Variants in SEPTIN9 observed in about 807,000 individuals in gnomAD.
SEPTIN9 encodes septin-9.
A neutral mutation model predicts 56.6 loss-of-function variants in SEPTIN9; 13 were observed. That is an observed-to-expected ratio of 0.23 (90% CI 0.15 to 0.37). The LOEUF (loss-of-function observed/expected upper bound fraction) is 0.37. Ranked by LOEUF, SEPTIN9 falls within the 10% of genes least tolerant of loss-of-function variation. SEPTIN9 has a pLI of 1.00. For synonymous variants in SEPTIN9, 332 were observed against 334.1 expected, an observed-to-expected ratio of 0.99 and a Z score of 0.07; for missense variants, 650 against 823.1, an observed-to-expected ratio of 0.79 and a Z score of 2.57.
In SEPTIN9 at chr17:77,330,526, G is replaced by A. The variant is rs2033307775; in HGVS notation, c.76+23329G>A. ...GCAGCCTTTCCTGGATTCTTCCTCC[G>A]TTCTCCCCTGGGCAGTGTTTCTGTT... On this transcript the variant is annotated intron_variant, in intron 2 of 11. Coordinates refer to ENST00000427177, the MANE Select transcript of SEPTIN9 (RefSeq NM_001113491.2). This position sits in a 1 kb window ranked among gnomAD's most constrained non-coding sequence, Gnocchi z 4.4. Among the ~76,000 whole-genome samples the A allele has an allele frequency of 6.6e-6, 1 of 152,202 alleles. No homozygotes were observed.
intron 3 of SEPTIN9, among the ~76,000 whole-genome samples, chr17:77,464,307 A>G (rs1309639463): frequency 6.6e-6 from 1 of 152,072 alleles, no homozygotes; most frequent in Non-Finnish European, 1.5e-5. Context: ...CGAACCCCTG[A>G]CCTCAAATAA....
At chr17:77,351,767 A>G (rs2143807533) in intron 2 of SEPTIN9, among the ~76,000 whole-genome samples, 1 of 152,362 alleles carries the variant, frequency 6.6e-6, no homozygotes, top group South Asian at 2.1e-4. Context: ...AATAAAGCAC[A>G]GGTCCCCCAG....
In SEPTIN9 at chr17:77,456,211, C is replaced by T. The variant is rs553526072; in HGVS notation, c.722-25933C>T. On this transcript the variant is annotated intron_variant, in intron 3 of 11. Coordinates refer to ENST00000427177, the MANE Select transcript of SEPTIN9 (RefSeq NM_001113491.2). This position sits in a 1 kb window ranked among gnomAD's most constrained non-coding sequence, Gnocchi z 6.0. ...GCTGGGGGGCCGGGTGGGTGGGAGC[C>T]GAGGCCAGGGAGAACAGCGCAGACC... Among the ~76,000 whole-genome samples the T allele has an allele frequency of 2.6e-5, 4 of 152,056 alleles. No individual in the cohort carries two copies. The highest frequency in any genetic ancestry group is 4.2e-4 in the South Asian group (2 of 4,810).
rs11652664 is a variant in SEPTIN9 at position 77,463,139 on chromosome 17, C to T, written c.722-19005C>T. Among the ~76,000 whole-genome samples, 629 of 152,230 alleles carry T rather than the reference C, an allele frequency of 4.1e-3. 1 individual carries two copies. Among genetic ancestry groups the T allele is most frequent in the Non-Finnish European group, 6.2e-3 (424 of 68,006 alleles). Reference sequence around the variant, plus strand: ...CTGGGTGTAGGGAGGGCACCTCTTACGTGAGGGGCTTATGATCTACTTCAG... The same window carrying T: ...CTGGGTGTAGGGAGGGCACCTCTTATGTGAGGGGCTTATGATCTACTTCAG... On this transcript the variant is annotated intron_variant, in intron 3 of 11. Transcript: ENST00000427177.
chr17:77,289,277 A>G (rs752500541), intron 1 of SEPTIN9, among the ~76,000 whole-genome samples: 20 of 149,246 alleles, frequency 1.3e-4, no homozygotes, highest in Non-Finnish European at 1.5e-4. Context: ...TTGTATTTTT[A>G]GTAGAGATGG....
At position 77,435,331 on chromosome 17, in the gene SEPTIN9, G is replaced by A. The variant is rs1386939839; in HGVS notation, c.721+32628G>A. Among the ~76,000 whole-genome samples the A allele has an allele frequency of 1.3e-5, 2 of 152,166 alleles. No individual in the cohort carries two copies. The highest frequency in any genetic ancestry group is 4.8e-5 in the African/African-American group (2 of 41,436). Reference sequence around the variant, plus strand: ...TGACTTGGCCAGCTTCGCACGGCAGGTTAGTGGCAGAGCTGAGCAGTGTCT... The same window carrying A: ...TGACTTGGCCAGCTTCGCACGGCAGATTAGTGGCAGAGCTGAGCAGTGTCT... On this transcript the variant is annotated intron_variant, in intron 3 of 11. Transcript: ENST00000427177. The surrounding 1 kb of genome is among the most constrained non-coding windows in gnomAD (Gnocchi z 4.5).
At chr17:77,373,111 C>T (rs2034775957) in intron 2 of SEPTIN9, 8 of 845,908 alleles carry the variant, frequency 9.5e-6, no homozygotes, top group African/African-American at 7.3e-5. Context: ...GTCCCCTGGG[C>T]GCGGGCCAGG....
chr17:77,422,364 G>T (rs969594617), intron 3 of SEPTIN9, among the ~76,000 whole-genome samples: 52 of 152,370 alleles, frequency 3.4e-4, no homozygotes, highest in Admixed American at 3.4e-3. Flanking sequence ...GGGCGGCCAG[G>T]ACAGTAGCAG....
chr17:77,468,116 T>C (rs1258432797), intron 3 of SEPTIN9, among the ~76,000 whole-genome samples: 1 of 151,858 alleles, frequency 6.6e-6, no homozygotes, highest in African/African-American at 2.4e-5. Flanking sequence ...ATATAAAAAA[T>C]TAGCCGGGCG....
At chr17:77,392,756 C>G (rs866923834) in intron 2 of SEPTIN9, among the ~76,000 whole-genome samples, 48 of 152,208 alleles carry the variant, frequency 3.2e-4, no homozygotes, top group Middle Eastern at 3.4e-3. Flanking sequence ...GAGGGAGCGC[C>G]TCCTCCGCCT....
intron 1 of SEPTIN9, among the ~76,000 whole-genome samples, chr17:77,305,963 A>T (rs2032246194): frequency 1.3e-5 from 1 of 77,670 alleles, no homozygotes; most frequent in Admixed American, 1.7e-4. Context: ...GGGTTGATGG[A>T]TGGGTGGATT....
At position 77,405,019 on chromosome 17, in the gene SEPTIN9, T is replaced by C; in HGVS notation, c.721+2316T>C. 6.8e-7 allele frequency: 1 copy of C among 1,461,268 alleles called. No individual in the cohort carries two copies. The highest frequency in any genetic ancestry group is 9.2e-7 in the Non-Finnish European group (1 of 1,084,830). The allele number at this position is 1,461,268 out of a possible 1,614,324, so 90.5% of individuals were successfully genotyped here. ...GATACACCCCCATCCTGGGTTGATGTGTTCACACTCAGCTGAGTCAAACAG... is the reference window on the plus strand; with the variant it reads ...GATACACCCCCATCCTGGGTTGATGCGTTCACACTCAGCTGAGTCAAACAG... On this transcript the variant is annotated intron_variant, in intron 3 of 11. Transcript: ENST00000427177. The surrounding 1 kb of genome is among the most constrained non-coding windows in gnomAD (Gnocchi z 5.8).
At chr17:77,288,786 C>T (rs1299586192) in intron 1 of SEPTIN9, among the ~76,000 whole-genome samples, 1 of 152,186 alleles carries the variant, frequency 6.6e-6, no homozygotes, top group African/African-American at 2.4e-5. Flanking sequence ...GCCACAGGGT[C>T]TACAGAGGTG....
chr17:77,312,860 A>G (rs1486671049), intron 2 of SEPTIN9, among the ~76,000 whole-genome samples: 1 of 152,214 alleles, frequency 6.6e-6, no homozygotes, highest in Non-Finnish European at 1.5e-5. Context: ...TTAAGTTTAA[A>G]TTATAACATA....
intron 3 of SEPTIN9, among the ~76,000 whole-genome samples, chr17:77,464,137 G>A (rs996966906): frequency 5.3e-5 from 8 of 152,008 alleles, no homozygotes; most frequent in Non-Finnish European, 1.0e-4. Flanking sequence ...GCAGTGGCAC[G>A]ATCTCGGCTT....
intron 2 of SEPTIN9, among the ~76,000 whole-genome samples, chr17:77,395,698 G>A (rs1199660589): frequency 6.6e-6 from 1 of 152,184 alleles, no homozygotes; most frequent in Non-Finnish European, 1.5e-5. Context: ...GTGTGTGTGT[G>A]CGTGCAAACT....
intron 1 of SEPTIN9, among the ~76,000 whole-genome samples, chr17:77,304,809 G>T (rs1223641393): frequency 6.6e-6 from 1 of 152,176 alleles, no homozygotes; most frequent in Non-Finnish European, 1.5e-5. Context: ...TGGAACAGGG[G>T]ATAGTGACCC....
chr17:77,330,716 A>G lies in SEPTIN9; in HGVS notation c.76+23519A>G, dbSNP rs2033314631. Among the ~76,000 whole-genome samples the G allele has an allele frequency of 6.6e-6, 1 of 152,196 alleles. No individual in the cohort carries two copies. Among genetic ancestry groups the G allele is most frequent in the African/African-American group, 2.4e-5 (1 of 41,460 alleles). The stretch of plus-strand genomic sequence containing the variant: ...TCAGAGAGCACATGGCTTGACCATC[A>G]CGGGGACTGGGGGAGAGGCACAGGC... On this transcript the variant is annotated intron_variant, in intron 2 of 11. Coordinates refer to ENST00000427177, the MANE Select transcript of SEPTIN9 (RefSeq NM_001113491.2). This position sits in a 1 kb window ranked among gnomAD's most constrained non-coding sequence, Gnocchi z 4.4.
chr17:77,457,970 C>T (rs959190643), intron 3 of SEPTIN9, among the ~76,000 whole-genome samples: 10 of 152,220 alleles, frequency 6.6e-5, no homozygotes, highest in African/African-American at 9.6e-5. Context: ...TAAACCCACG[C>T]GCCACCCTAG....
Sources: gnomAD v4.1 joint callset for allele counts (sites outside exome capture counted in the v4.1 genomes callset) on GRCh38, gnomAD v4.1.1 for gene constraint, Gnocchi (gnomAD v3.1) non-coding constraint, MANE v1.5 for transcripts, NCBI Gene and HGNC (gene_info 2026-07-23, HGNC 2026-07-21) for gene names.